Variants in HS1BP3 observed in about 807,000 individuals in gnomAD.
HS1BP3 encodes HCLS1 binding protein 3, also known as HCLS1-binding protein 3.
In HS1BP3, 32 loss-of-function variants were observed where a neutral mutation model predicts 33.5. The ratio of observed to expected loss-of-function variants is 0.95; its 90% CI spans 0.72 to 1.28. The LOEUF (loss-of-function observed/expected upper bound fraction) is 1.28, where lower values mean the gene tolerates loss of function less well. HS1BP3 is among the 50% of genes most tolerant of loss of function. The probability of loss-of-function intolerance (pLI) is 0.00; values close to 1 mark genes in which losing one functional copy is unlikely to be tolerated. For missense variants in HS1BP3, 486 were observed against 502.3 expected (o/e 0.97, Z 0.31); for synonymous variants, 187 against 209.2 (o/e 0.89, Z 0.92).
chr2:20,628,816 G>GTACCCA (rs1274458945), intron 4 of HS1BP3, among the ~76,000 whole-genome samples: 2 of 152,160 alleles, frequency 1.3e-5, no homozygotes, highest in Non-Finnish European at 2.9e-5. Context: ...TACAGGACCT[G>GTACCCA]AGAGTCACAC....
intron 1 of HS1BP3, among the ~76,000 whole-genome samples, chr2:20,649,141 G>A (rs539049748): frequency 6.6e-6 from 1 of 152,276 alleles, no homozygotes; most frequent in African/African-American, 2.4e-5. Flanking sequence ...GGGCCCTATT[G>A]CACTTGAAAT....
chr2:20,598,028 C>T (rs1693982961), intron 3 of HS1BP3, among the ~76,000 whole-genome samples: 1 of 152,122 alleles, frequency 6.6e-6, no homozygotes, highest in Non-Finnish European at 1.5e-5. Flanking sequence ...GTCAGGTCCC[C>T]TACTTCAGCG....
intron 1 of HS1BP3, 127 bp from the exon 2 acceptor site, chr2:20,645,632 G>T (rs1695496213): frequency 2.2e-6 from 2 of 914,930 alleles, no homozygotes; most frequent in African/African-American, 1.7e-5. Flanking sequence ...GCTGTCCTCA[G>T]TGGTCACTGC....
At chr2:20,628,587 A>G (rs1215916991) in intron 4 of HS1BP3, among the ~76,000 whole-genome samples, 1 of 151,722 alleles carries the variant, frequency 6.6e-6, no homozygotes, top group African/African-American at 2.4e-5. Flanking sequence ...GTGAGCTCAC[A>G]TCACACCACT....
At chr2:20,623,048 C>T (rs2149291192) in intron 6 of HS1BP3, 1 of 152,828 alleles carries the variant, frequency 6.5e-6, no homozygotes, top group African/African-American at 2.4e-5. Flanking sequence ...CAGGCACAGT[C>T]CTGTGTCCTG....
At chr2:20,578,200 G>A (rs1693447564) in intron 5 of HS1BP3, among the ~76,000 whole-genome samples, 1 of 152,208 alleles carries the variant, frequency 6.6e-6, no homozygotes, top group Admixed American at 6.5e-5. Flanking sequence ...GGGTGGGGGT[G>A]GGAACAGCCT....
At position 20,645,485 on chromosome 2, in the gene HS1BP3, G is replaced by A. The variant is rs779261306; in HGVS notation, c.53C>T (p.Thr18Ile). Reference protein sequence around the residue: ...VTSRRLQNAHTGLDLTVPQHQ... With the variant: ...VTSRRLQNAHIGLDLTVPQHQ... ...CTGGGGCACAGTCAGGTCGAGGCCA[G>A]TGTGGGCATTCTGAAGTCGCCTGCC... Residue 18 changes from threonine (T) to isoleucine (I), a missense_variant, in exon 2 of 7, where the codon ACT (threonine) becomes ATT (isoleucine). Thr to Ile is a moderately conservative substitution (Grantham distance 89). Coordinates refer to ENST00000304031, the MANE Select transcript of HS1BP3 (RefSeq NM_022460.4). 9 of 1,612,978 alleles carry A rather than the reference G, an allele frequency of 5.6e-6. No homozygotes were observed. Among genetic ancestry groups the A allele is most frequent in the South Asian group, 1.1e-5 (1 of 90,962 alleles).
At chr2:20,637,564 T>C (rs1264557280) in intron 4 of HS1BP3, 1 of 152,322 alleles carries the variant, frequency 6.6e-6, no homozygotes, top group Non-Finnish European at 1.5e-5. Flanking sequence ...TCCTCACCCC[T>C]GGACGCTGGT....
chr2:20,647,401 T>C (rs919053790), intron 1 of HS1BP3, among the ~76,000 whole-genome samples: 1 of 152,188 alleles, frequency 6.6e-6, no homozygotes, highest in African/African-American at 2.4e-5. Context: ...GGGACAGACA[T>C]GGTGTAAACA....
intron 5 of HS1BP3, among the ~76,000 whole-genome samples, chr2:20,572,423 C>T (rs1460948957): frequency 6.6e-6 from 1 of 152,224 alleles, no homozygotes; most frequent in Non-Finnish European, 1.5e-5. Flanking sequence ...CCCTACTCCA[C>T]CCTATGCTGG....
chr2:20,578,923 CT>C (rs1172103288), intron 5 of HS1BP3, among the ~76,000 whole-genome samples: 3 of 152,328 alleles, frequency 2.0e-5, no homozygotes, highest in Non-Finnish European at 2.9e-5. Context: ...TAAAAATAGC[CT>C]CAGTACTACA....
At chr2:20,571,942 C>T (rs867280383) in intron 5 of HS1BP3, among the ~76,000 whole-genome samples, 1 of 152,246 alleles carries the variant, frequency 6.6e-6, no homozygotes. Flanking sequence ...GAGATTCCCC[C>T]TTCTCTCAGA....
chr2:20,624,143 G>T, intron 5 of HS1BP3, 112 bp from the exon 6 acceptor site: 1 of 1,247,914 alleles, frequency 8.0e-7, no homozygotes, highest in Non-Finnish European at 1.1e-6. Flanking sequence ...TACAGGAATT[G>T]ATGCCTCTGC....
rs748262139 is a variant in HS1BP3 at position 20,645,439 on chromosome 2, C to T, written c.99G>A (p.Lys33=). 4.3e-6 allele frequency: 7 copies of T among 1,614,070 alleles called. No homozygotes were observed. Among genetic ancestry groups the T allele is most frequent in the Non-Finnish European group, 5.9e-6 (7 of 1,180,044 alleles). ...TVPQHQEVRG[K]MMSGHVEYQI... ...GGTACTCCACGTGTCCAGACATCAT[C>T]TTGCCCCGTACCTCCTGGTGCTGGG... Residue 33 remains lysine, a synonymous_variant, in exon 2 of 7, where the codon AAG becomes AAA. Coordinates refer to ENST00000304031, the MANE Select transcript of HS1BP3 (RefSeq NM_022460.4).
At chr2:20,587,271 A>G (rs950624027) in intron 5 of HS1BP3, among the ~76,000 whole-genome samples, 4 of 152,256 alleles carry the variant, frequency 2.6e-5, no homozygotes, top group Non-Finnish European at 5.9e-5. Flanking sequence ...AAAAGAAACG[A>G]AAGTGAAAAA....
downstream of HS1BP3, among the ~76,000 whole-genome samples, chr2:20,558,953 G>A (rs1329788736): frequency 1.3e-5 from 2 of 152,218 alleles, no homozygotes; most frequent in Admixed American, 6.5e-5. Context: ...AAGTGCCTGA[G>A]GCTGCTGTGT....
At chr2:20,644,287 G>A (rs1183787827) in intron 2 of HS1BP3, among the ~76,000 whole-genome samples, 1 of 152,078 alleles carries the variant, frequency 6.6e-6, no homozygotes, top group African/African-American at 2.4e-5. Context: ...TGCCTCAACT[G>A]CAGACTCCTC....
chr2:20,632,302 G>T (rs929700729), intron 4 of HS1BP3, among the ~76,000 whole-genome samples: 1 of 152,222 alleles, frequency 6.6e-6, no homozygotes. Context: ...TCACATGGGC[G>T]CTCCTATGCC....
At chr2:20,629,491 C>T (rs1267727830) in intron 4 of HS1BP3, among the ~76,000 whole-genome samples, 2 of 152,198 alleles carry the variant, frequency 1.3e-5, no homozygotes, top group African/African-American at 2.4e-5. Flanking sequence ...TGATTAGAAT[C>T]TTGTCACCAG....
Sources: allele counts gnomAD v4.1 joint callset (sites outside exome capture counted in the v4.1 genomes callset), GRCh38; gene constraint gnomAD v4.1.1; transcripts MANE v1.5; gene names NCBI Gene and HGNC (gene_info 2026-07-23, HGNC 2026-07-21).